Variants in SHISA9 observed in about 807,000 individuals in gnomAD.
SHISA9 encodes protein shisa-9.
SHISA9 carries 13 observed loss-of-function variants against 38.0 expected under a neutral mutation model. The ratio of observed to expected loss-of-function variants is 0.34; its 90% confidence interval spans 0.22 to 0.54. The LOEUF (loss-of-function observed/expected upper bound fraction) is 0.54, where lower values mean the gene tolerates loss of function less well. Among genes scored for constraint, SHISA9 ranks in the 20% least tolerant of loss-of-function variants. The pLI is 0.91. For synonymous variants in SHISA9, 275 were observed against 242.0 expected, an observed-to-expected ratio of 1.14 and a Z score of -1.27; for missense variants, 538 against 575.8, an observed-to-expected ratio of 0.93 and a Z score of 0.67.
At chr16:13,017,467 C>T (rs1204447230) in intron 2 of SHISA9, among the ~76,000 whole-genome samples, 1 of 152,170 alleles carries the variant, frequency 6.6e-6, no homozygotes, top group African/African-American at 2.4e-5. Context: ...AAGCAATTTG[C>T]TGAAAGTCTC....
In SHISA9 at chr16:13,167,072, C is replaced by CTTT. The variant is rs11372669; in HGVS notation, c.692-36307_692-36305dup. 1.2e-3 allele frequency among the ~76,000 whole-genome samples: 146 copies of CTTT among 124,412 alleles called. 6 individuals are homozygous for CTTT. Among genetic ancestry groups the CTTT allele is most frequent in the African/African-American group, 2.7e-3 (89 of 33,562 alleles). The allele number at this position is 124,412 out of a possible 152,430, so 81.6% of individuals were successfully genotyped here. A position where few individuals can be genotyped will look rare whatever the true frequency, so the allele number is the denominator to read the frequency against. On this transcript the variant is annotated intron_variant, in intron 2 of 4. Coordinates refer to ENST00000558583, the MANE Select transcript of SHISA9 (RefSeq NM_001145204.3). Reference sequence around the variant, plus strand: ...CTTCTTCTCTCTCTCTCTCTTTTTTCTTTTTTTTTTTTTTTTTGAGACAGA... The same window carrying CTTT: ...CTTCTTCTCTCTCTCTCTCTTTTTTCTTTTTTTTTTTTTTTTTTTTGAGACAGA...
chr16:13,548,487 T>C, the SHISA9 span, among the ~76,000 whole-genome samples: 2 of 152,108 alleles, frequency 1.3e-5, no homozygotes, highest in Non-Finnish European at 2.9e-5. Context: ...CCAGAACATA[T>C]AAGGAACTCA....
the SHISA9 span, among the ~76,000 whole-genome samples, chr16:13,528,401 A>T: frequency 2.7e-5 from 4 of 149,810 alleles, no homozygotes; most frequent in South Asian, 8.4e-4. Context: ...GAGGTCACAG[A>T]ACTTGGAGTT....
chr16:13,480,754 C>G, the SHISA9 span, among the ~76,000 whole-genome samples: 1 of 151,806 alleles, frequency 6.6e-6, no homozygotes, highest in Admixed American at 6.6e-5. Flanking sequence ...CAAGAAAACA[C>G]CAAGAGTAGA....
chr16:13,527,174 A>T, the SHISA9 span, among the ~76,000 whole-genome samples: 1 of 152,186 alleles, frequency 6.6e-6, no homozygotes, highest in African/African-American at 2.4e-5. Context: ...TTTACATGAA[A>T]TTCACTGGAT....
the SHISA9 span, among the ~76,000 whole-genome samples, chr16:13,494,985 A>C: frequency 6.6e-6 from 1 of 152,234 alleles, no homozygotes; most frequent in African/African-American, 2.4e-5. Context: ...ACAAGATTAC[A>C]TACTGTATGA....
At chr16:13,382,292 C>G in the SHISA9 span, among the ~76,000 whole-genome samples, 1 of 152,014 alleles carries the variant, frequency 6.6e-6, no homozygotes, top group Non-Finnish European at 1.5e-5. Flanking sequence ...CTTTGGGAGG[C>G]TGAGGAGGGT....
intron 2 of SHISA9, among the ~76,000 whole-genome samples, chr16:13,050,140 C>T (rs868832582): frequency 4.6e-5 from 7 of 152,128 alleles, no homozygotes; most frequent in South Asian, 2.1e-4. Context: ...TTTTAAAATG[C>T]ATGGTTACAA....
Position 12,901,763 on chromosome 16 carries a change from G to C in SHISA9, c.-302G>C. The C allele has an allele frequency of 6.8e-6, 1 of 147,828 alleles. No individual in the cohort carries two copies. The highest frequency in any genetic ancestry group is 2.0e-4 in the East Asian group (1 of 4,940). The allele number at this position is 147,828 out of a possible 1,614,324, so 9.2% of individuals were successfully genotyped here. A position where few individuals can be genotyped will look rare whatever the true frequency, so the allele number is the denominator to read the frequency against. On this transcript the variant is annotated 5_prime_UTR_variant, in exon 1 of 5. Coordinates refer to ENST00000558583, the MANE Select transcript of SHISA9 (RefSeq NM_001145204.3). ...TCCACCCCCGCCTCACCCAGTGGCC[G>C]GCCGGACCTGCACCCCGCGCTTGAC...
intron 1 of SHISA9, chr16:12,908,560 A>T (rs2071136016): frequency 7.1e-6 from 11 of 1,551,672 alleles, no homozygotes; most frequent in African/African-American, 1.4e-5. Flanking sequence ...GGAGTGTCGG[A>T]CTTCAAACCT....
chr16:13,062,624 G>A (rs2073388941), intron 2 of SHISA9, among the ~76,000 whole-genome samples: 1 of 152,090 alleles, frequency 6.6e-6, no homozygotes, highest in Admixed American at 6.5e-5. Context: ...CCTGAGACTA[G>A]ATTACTCAGA....
Position 13,146,263 on chromosome 16 carries a change from G to T in SHISA9, c.692-57131G>T, listed in dbSNP as rs1205989282. Among the ~76,000 whole-genome samples the T allele has an allele frequency of 2.0e-5, 3 of 152,232 alleles. No homozygotes were observed. The East Asian group carries it at 5.8e-4, about 29-fold the overall frequency. ...AGATGCTGGAGGTCTCAGCCTAATGGACTAGGCTCTGAAATGAAGCCAGGT... is the reference window on the plus strand; with the variant it reads ...AGATGCTGGAGGTCTCAGCCTAATGTACTAGGCTCTGAAATGAAGCCAGGT... On this transcript the variant is annotated intron_variant, in intron 2 of 4. Coordinates refer to ENST00000558583, the MANE Select transcript of SHISA9 (RefSeq NM_001145204.3).
intron 2 of SHISA9, among the ~76,000 whole-genome samples, chr16:12,994,979 T>C (rs750481777): frequency 2.0e-5 from 3 of 152,188 alleles, no homozygotes; most frequent in Admixed American, 1.3e-4. Flanking sequence ...GCTAAAGATA[T>C]GCTTTTTTAT....
chr16:13,019,236 G>A (rs2072793230), intron 2 of SHISA9, among the ~76,000 whole-genome samples: 1 of 152,174 alleles, frequency 6.6e-6, no homozygotes, highest in African/African-American at 2.4e-5. Context: ...CTGGCCTCAA[G>A]TGATCTACCT....
At chr16:13,332,261 A>G in the SHISA9 span, among the ~76,000 whole-genome samples, 1 of 152,198 alleles carries the variant, frequency 6.6e-6, no homozygotes, top group Non-Finnish European at 1.5e-5. Context: ...TGAGACTTTC[A>G]GTGCTAGAAC....
chr16:13,060,017 G>C (rs1276391871), intron 2 of SHISA9, among the ~76,000 whole-genome samples: 1 of 152,138 alleles, frequency 6.6e-6, no homozygotes, highest in Non-Finnish European at 1.5e-5. Flanking sequence ...AACAAATACA[G>C]GCAGTAATTC....
At chr16:13,441,965 C>G in the SHISA9 span, among the ~76,000 whole-genome samples, 37,972 of 152,234 alleles carry the variant, frequency 0.25, 6,110 homozygotes, top group East Asian at 0.51. Flanking sequence ...TACCTCTACT[C>G]TGTATTTGCA....
chr16:12,949,768 T>G (rs2071731567), intron 2 of SHISA9, among the ~76,000 whole-genome samples: 1 of 152,202 alleles, frequency 6.6e-6, no homozygotes, highest in South Asian at 2.1e-4. Context: ...ATTTGTGGGG[T>G]ACTTATGATA....
intron 2 of SHISA9, among the ~76,000 whole-genome samples, chr16:13,028,607 C>T (rs2072954268): frequency 6.6e-6 from 1 of 152,138 alleles, no homozygotes; most frequent in Non-Finnish European, 1.5e-5. Flanking sequence ...CCTACCGGGT[C>T]CCTCCCACAA....
Sources: allele counts gnomAD v4.1 joint callset (sites outside exome capture counted in the v4.1 genomes callset), GRCh38; gene constraint gnomAD v4.1.1; transcripts MANE v1.5; gene names NCBI Gene and HGNC (gene_info 2026-07-23, HGNC 2026-07-21).